PIK3R4: variants seen among roughly 807,000 people sequenced by gnomAD.
PIK3R4 encodes the protein phosphoinositide 3-kinase regulatory subunit 4.
Under a neutral mutation model 136.5 loss-of-function variants are expected in PIK3R4, and 46 were observed. The observed-to-expected ratio is 0.34, with a 90% CI of 0.27 to 0.43. The LOEUF is 0.43. PIK3R4 is among the 20% of genes least tolerant of loss of function. The pLI is 1.00. For synonymous variants in PIK3R4, 557 were observed against 566.7 expected, an observed-to-expected ratio of 0.98 and a Z score of 0.24; for missense variants, 1,331 against 1,649.5, an observed-to-expected ratio of 0.81 and a Z score of 3.35.
intron 12 of PIK3R4, among the ~76,000 whole-genome samples, chr3:130,704,989 C>A (rs1048838481): frequency 2.6e-5 from 4 of 151,964 alleles, no homozygotes; most frequent in African/African-American, 9.7e-5. Context: ...TGCCACCACA[C>A]CTGGCTAATT....
At chr3:130,715,412 C>T (rs141468087) in intron 9 of PIK3R4, among the ~76,000 whole-genome samples, 277 of 152,108 alleles carry the variant, frequency 1.8e-3, no homozygotes, top group African/African-American at 6.0e-3. Context: ...GCCTGAACCA[C>T]GGCACCCGGC....
At chr3:130,696,471 C>T (rs1428740825) in intron 13 of PIK3R4, among the ~76,000 whole-genome samples, 1 of 151,974 alleles carries the variant, frequency 6.6e-6, no homozygotes, top group Non-Finnish European at 1.5e-5. Flanking sequence ...CATTTTTATT[C>T]ATCTCAAAGT....
Position 130,728,451 on chromosome 3 carries a change from C to CA in PIK3R4, c.1807+11dup. 2 of 1,559,334 alleles carry CA rather than the reference C, an allele frequency of 1.3e-6. No individual in the cohort carries two copies. The highest frequency in any genetic ancestry group is 1.7e-6 in the Non-Finnish European group (2 of 1,143,818). ...TAAAAATCTTAAAGGAATTTAAAAGCAAAAAACATACCAACTATACTATCA... is the reference window on the plus strand; with the variant it reads ...TAAAAATCTTAAAGGAATTTAAAAGCAAAAAAACATACCAACTATACTATCA... On this transcript the variant is annotated intron_variant, in intron 6 of 19. Transcript: ENST00000356763.
At chr3:130,710,834 T>C (rs1559824975) in intron 9 of PIK3R4, among the ~76,000 whole-genome samples, 1 of 151,934 alleles carries the variant, frequency 6.6e-6, no homozygotes, top group Non-Finnish European at 1.5e-5. Context: ...CTGACTTCTA[T>C]AGGTTCAATG....
chr3:130,694,162 G>C (rs1443061202), intron 13 of PIK3R4, among the ~76,000 whole-genome samples: 1 of 152,026 alleles, frequency 6.6e-6, no homozygotes, highest in Non-Finnish European at 1.5e-5. Context: ...GTACTACACT[G>C]TCTTAATTTA....
chr3:130,692,087 GA>G (rs2066522907), intron 13 of PIK3R4, among the ~76,000 whole-genome samples: 1 of 151,928 alleles, frequency 6.6e-6, no homozygotes, highest in Non-Finnish European at 1.5e-5. Context: ...ATGTTAGCCA[GA>G]ATGGTCTCGA....
intron 6 of PIK3R4, chr3:130,725,791 T>C (rs1321961082): frequency 6.6e-6 from 1 of 151,970 alleles, no homozygotes; most frequent in Non-Finnish European, 1.5e-5. Flanking sequence ...AAATAATGAA[T>C]TTTAAAATTC....
At chr3:130,716,925 G>T (rs1257489094) in intron 8 of PIK3R4, among the ~76,000 whole-genome samples, 1 of 152,194 alleles carries the variant, frequency 6.6e-6, no homozygotes, top group Non-Finnish European at 1.5e-5. Flanking sequence ...AGTATGTGCA[G>T]TTCACAGGTC....
intron 9 of PIK3R4, among the ~76,000 whole-genome samples, chr3:130,710,356 C>T (rs1419564740): frequency 6.6e-6 from 1 of 151,860 alleles, no homozygotes; most frequent in Non-Finnish European, 1.5e-5. Flanking sequence ...ATAATAATCT[C>T]GATAAAAGAC....
intron 9 of PIK3R4, 41 bp from the exon 10 acceptor site, chr3:130,708,533 AAAT>A: frequency 1.3e-6 from 2 of 1,536,172 alleles, no homozygotes; most frequent in Non-Finnish European, 1.8e-6. Flanking sequence ...TTATTTTCAC[AAAT>A]AATAAAAACA....
chr3:130,728,686 T>TACAAAA lies in PIK3R4; in HGVS notation c.1586-3_1586-2insTTTTGT. 9.7e-7 allele frequency: 1 copy of TACAAAA among 1,027,390 alleles called. No homozygotes were observed. Among genetic ancestry groups the TACAAAA allele is most frequent in the Non-Finnish European group, 1.3e-6 (1 of 770,278 alleles). 63.6% of individuals were successfully genotyped at this position (1,027,390 alleles called of 1,614,324 possible). On this transcript the variant is annotated splice_polypyrimidine_tract_variant and splice_region_variant and intron_variant, in intron 5 of 19. Transcript: ENST00000356763. ...CCATTTCATGTAAGGCTTGGAGCTCTAAAAAAAAAAAAAAAAGAAAGAAAG... is the reference window on the plus strand; with the variant it reads ...CCATTTCATGTAAGGCTTGGAGCTCTACAAAAAAAAAAAAAAAAAAAAGAAAGAAAG...
chr3:130,708,469 G>T lies in PIK3R4; in HGVS notation c.2355C>A (p.Asp785Glu). 6.2e-7 allele frequency: 1 copy of T among 1,612,768 alleles called. No homozygotes were observed. Among genetic ancestry groups the T allele is most frequent in the Non-Finnish European group, 8.5e-7 (1 of 1,179,028 alleles). ...TGAAGTCTTTCAGTGCCAGAAGTTTGTCTTCCTCTTCCTCTGTCATTCCCT... is the reference window on the plus strand; with the variant it reads ...TGAAGTCTTTCAGTGCCAGAAGTTTTTCTTCCTCTTCCTCTGTCATTCCCT... ...LSQGMTEEEE[D>E]KLLALKDFMM... The change falls in exon 10 of 20, where the codon GAC becomes GAA. Residue 785 changes from aspartate (D) to glutamate (E), a missense_variant. Asp to Glu is a conservative substitution (Grantham distance 45, BLOSUM62 2). Transcript: ENST00000356763.
intron 11 of PIK3R4, 57 bp from the exon 12 acceptor site, chr3:130,705,828 C>G: frequency 9.7e-7 from 1 of 1,036,142 alleles, no homozygotes; most frequent in Non-Finnish European, 1.5e-6. Context: ...TATTTGAAGA[C>G]AGAAGTGTAT....
intron 13 of PIK3R4, among the ~76,000 whole-genome samples, chr3:130,702,484 T>C (rs775543781): frequency 2.0e-5 from 3 of 152,202 alleles, no homozygotes; most frequent in Non-Finnish European, 4.4e-5. Context: ...ATTTTTAAAT[T>C]ATTTTAGTTA....
chr3:130,741,890 A>G lies in PIK3R4; in HGVS notation c.733+2596T>C, dbSNP rs543445351. 2.6e-5 allele frequency among the ~76,000 whole-genome samples: 4 copies of G among 152,368 alleles called. No homozygotes were observed. In the East Asian group the frequency reaches 7.7e-4, roughly 29 times the overall value. ...AGGCTATGCCTATGTACTGGACCAGAGGCAGAATATATATGGTAAGTCCTC... is the reference window on the plus strand; with the variant it reads ...AGGCTATGCCTATGTACTGGACCAGGGGCAGAATATATATGGTAAGTCCTC... On this transcript the variant is annotated intron_variant, in intron 2 of 19. Coordinates refer to ENST00000356763, the MANE Select transcript of PIK3R4 (RefSeq NM_014602.3).
At chr3:130,693,984 T>A (rs1365707603) in intron 13 of PIK3R4, among the ~76,000 whole-genome samples, 1 of 151,922 alleles carries the variant, frequency 6.6e-6, no homozygotes, top group African/African-American at 2.4e-5. Flanking sequence ...AATCCTATAA[T>A]CCCAGCACTG....
intron 13 of PIK3R4, among the ~76,000 whole-genome samples, chr3:130,698,372 G>A (rs942639233): frequency 5.9e-5 from 9 of 152,090 alleles, no homozygotes; most frequent in Non-Finnish European, 1.3e-4. Context: ...AGGTCTCTAA[G>A]GCTCTATTCA....
At position 130,686,390 on chromosome 3, in the gene PIK3R4, A is replaced by G; in HGVS notation, c.3296T>C (p.Val1099Ala). 6.2e-7 allele frequency: 1 copy of G among 1,612,194 alleles called. No individual in the cohort carries two copies. Among genetic ancestry groups the G allele is most frequent in the Non-Finnish European group, 8.5e-7 (1 of 1,178,232 alleles). ...TCCAGAGTTGAAGTGATGCATATCC[A>G]CAACACAACCGTCCTCCTTCTGATC... The part of the protein sequence containing the change: ...ILDQKEDGCV[V>A]DMHHFNSGAQ... The change falls in exon 15 of 20, where the codon GTG becomes GCG. Residue 1099 changes from valine to alanine, a missense_variant. Physicochemically the swap from Val to Ala is moderately conservative, Grantham distance 64. Around this residue, in one of 2 missense-constraint regions of PIK3R4, gnomAD observed 1,180 missense variants for 1,407.0 expected, o/e 0.84. Coordinates refer to ENST00000356763, the MANE Select transcript of PIK3R4 (RefSeq NM_014602.3).
Position 130,723,443 on chromosome 3 carries a change from G to T in PIK3R4, c.1952C>A (p.Pro651His). 2 of 1,604,144 alleles carry T rather than the reference G, an allele frequency of 1.2e-6. No homozygotes were observed. Among genetic ancestry groups the T allele is most frequent in the Non-Finnish European group, 1.7e-6 (2 of 1,176,180 alleles). The change falls in exon 7 of 20, where the codon CCC (proline) becomes CAC (histidine). Residue 651 changes from proline (P) to histidine (H), a missense_variant. By Grantham distance (77) the Pro-to-His change is moderately conservative. Transcript: ENST00000356763. ...ATCACTGGCAAATTCGTAAACATGG[G>T]GTTTTTGTAGCAGTCCTAACTGGCA... Reference protein sequence around the residue: ...CMCQLGLLQKPHVYEFASDIA... With the variant: ...CMCQLGLLQKHHVYEFASDIA...
Sources: allele counts gnomAD v4.1 joint callset (sites outside exome capture counted in the v4.1 genomes callset), GRCh38; gene constraint gnomAD v4.1.1; regional missense constraint gnomAD v4.1.1; transcripts MANE v1.5; gene names NCBI Gene and HGNC (gene_info 2026-07-23, HGNC 2026-07-21).